Variants in SAMD4A observed in about 807,000 individuals in gnomAD.
The protein encoded by SAMD4A is protein Smaug homolog 1.
SAMD4A carries 33 observed loss-of-function variants against 81.3 expected under a neutral mutation model. The observed-to-expected ratio is 0.41, with a 90% CI of 0.31 to 0.54. SAMD4A has a LOEUF of 0.54. SAMD4A is among the 20% of genes least tolerant of loss of function. SAMD4A has a pLI of 0.37. For synonymous variants in SAMD4A, 389 were observed against 382.1 expected (o/e 1.02, Z -0.21); for missense variants, 854 against 951.1 (o/e 0.90, Z 1.34).
At chr14:54,627,022 C>T (rs924728152) in intron 2 of SAMD4A, among the ~76,000 whole-genome samples, 30 of 152,278 alleles carry the variant, frequency 2.0e-4, no homozygotes, top group African/African-American at 6.3e-4. Context: ...ATTTCTCTGA[C>T]CTGTTCATCC....
intron 2 of SAMD4A, among the ~76,000 whole-genome samples, chr14:54,578,246 A>C (rs1234531791): frequency 6.6e-6 from 1 of 152,202 alleles, no homozygotes; most frequent in Admixed American, 6.5e-5. Flanking sequence ...TTAGGAAAGA[A>C]GCTCTGATTT....
At position 54,762,328 on chromosome 14, in the gene SAMD4A, T is replaced by C. The variant is rs117080649; in HGVS notation, c.1510+1834T>C. 9.8e-3 allele frequency among the ~76,000 whole-genome samples: 1,486 copies of C among 152,352 alleles called. 24 individuals are homozygous for C. The highest frequency in any genetic ancestry group is 0.024 in the Middle Eastern group (7 of 294). ...GGGGAAAACAATTTTTTCTCTGTTA[T>C]TGTCCAATATTTCAGACCATTTTAA... On this transcript the variant is annotated intron_variant, in intron 7 of 12. Transcript: ENST00000554335.
chr14:54,604,030 G>C (rs1177258105), intron 2 of SAMD4A, among the ~76,000 whole-genome samples: 1 of 152,004 alleles, frequency 6.6e-6, no homozygotes, highest in African/African-American at 2.4e-5. Context: ...TCTCCACGTT[G>C]GCCAGGATGG....
At chr14:54,697,594 A>G (rs1186842404) in intron 2 of SAMD4A, among the ~76,000 whole-genome samples, 5 of 152,200 alleles carry the variant, frequency 3.3e-5, no homozygotes, top group African/African-American at 1.2e-4. Flanking sequence ...TCATGGGTCC[A>G]TGCCAGAATG....
rs1227140130 is a variant in SAMD4A, at chr14:54,788,830, C to T, written c.2129-86C>T. 5 of 1,539,974 alleles carry T rather than the reference C, an allele frequency of 3.2e-6. No individual in the cohort carries two copies. The African/African-American group carries it at 6.8e-5, about 21-fold the overall frequency. ...TTCTCTGCCCTCAGAGGCTGGGAGG[C>T]CCACCGTGCATGGCGTTGGCATAGG... On this transcript the variant is annotated intron_variant, in intron 12 of 12. Transcript: ENST00000554335.
Position 54,792,097 on chromosome 14 carries a change from G to A in SAMD4A, c.*3153G>A, listed in dbSNP as rs1015271267. On this transcript the variant is annotated 3_prime_UTR_variant, in exon 13 of 13. Coordinates refer to ENST00000554335, the MANE Select transcript of SAMD4A (RefSeq NM_015589.6). ...AGTGGCTTCTTACCAGAAACAGTAG[G>A]AAGAAACACATGAACTGTGTACAAG... 6.6e-6 allele frequency: 1 copy of A among 152,210 alleles called. No individual in the cohort carries two copies. Among genetic ancestry groups the A allele is most frequent in the Non-Finnish European group, 1.5e-5 (1 of 68,040 alleles). The allele number at this position is 152,210 out of a possible 1,614,324, so 9.4% of individuals were successfully genotyped here.
chr14:54,765,626 G>A (rs932790584), intron 8 of SAMD4A, among the ~76,000 whole-genome samples: 7 of 151,702 alleles, frequency 4.6e-5, no homozygotes, highest in African/African-American at 1.5e-4. Context: ...GACTTGTCTC[G>A]GGGAAAAAAA....
intron 9 of SAMD4A, among the ~76,000 whole-genome samples, chr14:54,770,791 T>C (rs1318544448): frequency 6.6e-6 from 1 of 152,194 alleles, no homozygotes; most frequent in Non-Finnish European, 1.5e-5. Context: ...TTAGAACCCA[T>C]TACCTTAATA....
intron 2 of SAMD4A, among the ~76,000 whole-genome samples, chr14:54,632,220 C>CA (rs1019389581): frequency 1.3e-5 from 2 of 152,014 alleles, no homozygotes; most frequent in South Asian, 2.1e-4. Context: ...ATTAGATATA[C>CA]AAAAAAAATG....
At chr14:54,715,862 G>A (rs1173908340) in intron 3 of SAMD4A, among the ~76,000 whole-genome samples, 1 of 152,032 alleles carries the variant, frequency 6.6e-6, no homozygotes, top group Non-Finnish European at 1.5e-5. Flanking sequence ...CATATAGAAA[G>A]AAAAGAAAAT....
chr14:54,770,510 A>G (rs2038673643), intron 9 of SAMD4A, among the ~76,000 whole-genome samples: 1 of 152,264 alleles, frequency 6.6e-6, no homozygotes, highest in Admixed American at 6.5e-5. Flanking sequence ...GTATGATTTA[A>G]CAAATGCAGG....
Position 54,568,106 on chromosome 14 carries a change from A to G in SAMD4A, c.190A>G (p.Ser64Gly), listed in dbSNP as rs944645811. 1.3e-6 allele frequency: 2 copies of G among 1,522,018 alleles called. No homozygotes were observed. Among genetic ancestry groups the G allele is most frequent in the Non-Finnish European group, 8.8e-7 (1 of 1,142,782 alleles). 94.3% of individuals were successfully genotyped at this position (1,522,018 alleles called of 1,614,324 possible). The change falls in exon 2 of 13, where the codon AGC becomes GGC. Residue 64 changes from serine (S) to glycine (G), a missense_variant. Coordinates refer to ENST00000554335, the MANE Select transcript of SAMD4A (RefSeq NM_015589.6). The stretch of plus-strand genomic sequence containing the variant: ...GCACGTCCTCGAACGCGAGGCCAAC[A>G]GCCCCGGTAAGTGTGCGGCGGCCGC... ...ELHVLEREAN[S>G]PGIINQWQQE... is the part of the protein sequence containing the mutation.
intron 6 of SAMD4A, among the ~76,000 whole-genome samples, chr14:54,755,374 A>G (rs1267466518): frequency 2.0e-5 from 3 of 152,140 alleles, no homozygotes; most frequent in Non-Finnish European, 4.4e-5. Context: ...GGAGCCCCAC[A>G]AGGTTTGAAA....
Position 54,760,915 on chromosome 14 carries a change from C to T in SAMD4A, c.1510+421C>T, listed in dbSNP as rs539606920. On this transcript the variant is annotated intron_variant, in intron 7 of 12. Transcript: ENST00000554335. ...GAGTGACAAACTGAAGGGGCACAGA[C>T]GCCTTTAGCCAGAGCCCAAAGATCT... 3.9e-5 allele frequency among the ~76,000 whole-genome samples: 6 copies of T among 152,318 alleles called. No homozygotes were observed. The East Asian group carries it at 5.8e-4, about 15-fold the overall frequency.
intron 2 of SAMD4A, among the ~76,000 whole-genome samples, chr14:54,682,772 C>T (rs192520278): frequency 2.0e-5 from 3 of 152,270 alleles, no homozygotes; most frequent in Admixed American, 6.5e-5. Context: ...AAATAGAGGC[C>T]AAATTCCTAC....
intron 12 of SAMD4A, 88 bp downstream of exon 12, chr14:54,784,708 G>T (rs778670428): frequency 8.2e-7 from 1 of 1,216,218 alleles, no homozygotes; most frequent in Admixed American, 1.7e-5. Flanking sequence ...CGTGGCAGGA[G>T]CTCAGGAGAA....
intron 2 of SAMD4A, among the ~76,000 whole-genome samples, chr14:54,582,455 A>G (rs1422818027): frequency 6.6e-6 from 1 of 152,176 alleles, no homozygotes; most frequent in Non-Finnish European, 1.5e-5. Flanking sequence ...CCTCAAAGAC[A>G]AAGAAGAAGA....
chr14:54,705,493 G>A (rs1324714505), intron 3 of SAMD4A, among the ~76,000 whole-genome samples: 1 of 152,204 alleles, frequency 6.6e-6, no homozygotes, highest in Non-Finnish European at 1.5e-5. Context: ...AAATCAATTA[G>A]TACTACACAT....
intron 2 of SAMD4A, among the ~76,000 whole-genome samples, chr14:54,636,311 G>A (rs906488269): frequency 1.3e-5 from 2 of 152,296 alleles, no homozygotes; most frequent in African/African-American, 4.8e-5. Context: ...GAGTGATCAA[G>A]AGGAAGGGTG....
Sources: allele counts gnomAD v4.1 joint callset (sites outside exome capture counted in the v4.1 genomes callset), GRCh38; gene constraint gnomAD v4.1.1; transcripts MANE v1.5; gene names NCBI Gene and HGNC (gene_info 2026-07-23, HGNC 2026-07-21).